The following SLC44A5 variants were observed in gnomAD, a reference collection of about 807,000 sequenced individuals.
The protein encoded by SLC44A5 is solute carrier family 44 member 5.
A neutral mutation model predicts 101.8 loss-of-function variants in SLC44A5; 57 were observed. The observed-to-expected ratio is 0.56, with a 90% CI of 0.45 to 0.70. SLC44A5 has a LOEUF of 0.70. SLC44A5 is among the 30% of genes least tolerant of loss of function. The pLI is 0.00. For synonymous variants in SLC44A5, 281 were observed against 290.9 expected (o/e 0.97, Z 0.35); for missense variants, 737 against 853.1 (o/e 0.86, Z 1.70).
At chr1:75,631,940 AC>A in the SLC44A5 span, among the ~76,000 whole-genome samples, 2 of 152,164 alleles carry the variant, frequency 1.3e-5, no homozygotes, top group South Asian at 4.1e-4. Context: ...GTGCTGGATT[AC>A]ATGGATGAGC....
At chr1:75,460,848 T>C (rs1041877582) in intron 2 of SLC44A5, among the ~76,000 whole-genome samples, 7 of 152,142 alleles carry the variant, frequency 4.6e-5, no homozygotes, top group African/African-American at 1.7e-4. Context: ...GGTAAGAAAA[T>C]CACTTACATC....
intron 3 of SLC44A5, among the ~76,000 whole-genome samples, chr1:75,349,130 A>G (rs1658455596): frequency 6.6e-6 from 1 of 152,094 alleles, no homozygotes; most frequent in Non-Finnish European, 1.5e-5. Context: ...CGTGTGGATC[A>G]CCAGAGGTCA....
intron 5 of SLC44A5, among the ~76,000 whole-genome samples, chr1:75,288,007 G>T (rs991438909): frequency 3.3e-5 from 5 of 152,114 alleles, no homozygotes; most frequent in African/African-American, 1.2e-4. Flanking sequence ...AAGTATTCAG[G>T]TTTCTCAGGA....
Position 75,227,854 on chromosome 1 carries a change from AT to A in SLC44A5, c.856del (p.Ile286TyrfsTer19). ...GGTGTACTGCTGGTAACAGTGCCATATTCCTTGAAAAAGAAAGAAAAACAGA... is the reference window on the plus strand; with the variant it reads ...GGTGTACTGCTGGTAACAGTGCCATATCCTTGAAAAAGAAAGAAAAACAGA... ...IGVIGIIGYG[I>X]WHCYQQYTNL... is the part of the protein sequence containing the mutation. On this transcript the variant is annotated frameshift_variant and splice_region_variant, in exon 13 of 24. Transcript: ENST00000370859. LOFTEE classifies it high-confidence loss of function. 1 of 1,582,242 alleles carries A rather than the reference AT, an allele frequency of 6.3e-7. No homozygotes were observed. The highest frequency in any genetic ancestry group is 8.5e-7 in the Non-Finnish European group (1 of 1,171,562).
intron 3 of SLC44A5, among the ~76,000 whole-genome samples, chr1:75,351,868 A>AAAAAAAAAAAAAG (rs1553165361): frequency 3.4e-5 from 2 of 58,470 alleles, no homozygotes; most frequent in African/African-American, 6.0e-5. Context: ...AAAAAAAAAA[A>AAAAAAAAAAAAAG]AGAGAGAGAG....
intron 2 of SLC44A5, among the ~76,000 whole-genome samples, chr1:75,455,260 G>T (rs563092363): frequency 7.6e-4 from 116 of 152,158 alleles, no homozygotes; most frequent in African/African-American, 2.6e-3. Flanking sequence ...AATAAACAAT[G>T]CGGAAAGGAC....
the SLC44A5 span, among the ~76,000 whole-genome samples, chr1:75,671,657 A>T: frequency 6.6e-6 from 1 of 152,226 alleles, no homozygotes; most frequent in African/African-American, 2.4e-5. Flanking sequence ...TTTAAAAATC[A>T]AACAATACTA....
At chr1:75,383,969 G>A (rs1462049016) in intron 3 of SLC44A5, among the ~76,000 whole-genome samples, 16 of 151,432 alleles carry the variant, frequency 1.1e-4, no homozygotes, top group South Asian at 4.2e-4. Context: ...CTTCATAAGC[G>A]AAGGAGAAAT....
At chr1:75,582,100 C>T (rs2102071808) in intron 1 of SLC44A5, 1 of 724,980 alleles carries the variant, frequency 1.4e-6, no homozygotes, top group Non-Finnish European at 2.5e-6. Context: ...GCAGACATGG[C>T]CAAGTCCAAG....
At chr1:75,721,205 T>C in the SLC44A5 span, among the ~76,000 whole-genome samples, 1 of 152,268 alleles carries the variant, frequency 6.6e-6, no homozygotes, top group African/African-American at 2.4e-5. Flanking sequence ...ATTTAAATTT[T>C]AGAGTGCCCT....
intron 12 of SLC44A5, 109 bp from the exon 13 acceptor site, chr1:75,227,966 T>C: frequency 4.7e-6 from 4 of 852,694 alleles, no homozygotes; most frequent in Non-Finnish European, 6.9e-6. Context: ...TGGTAATTTC[T>C]GCAAAGGCAA....
At chr1:75,490,445 A>G (rs762988850) in intron 2 of SLC44A5, among the ~76,000 whole-genome samples, 4 of 152,186 alleles carry the variant, frequency 2.6e-5, no homozygotes, top group Non-Finnish European at 5.9e-5. Flanking sequence ...ACACTGGGAC[A>G]ATAGCTTTTT....
chr1:75,683,735 A>C, the SLC44A5 span, among the ~76,000 whole-genome samples: 1 of 148,350 alleles, frequency 6.7e-6, no homozygotes, highest in Non-Finnish European at 1.5e-5. Flanking sequence ...GTGCACGTGT[A>C]CCCTAAAACT....
intron 2 of SLC44A5, among the ~76,000 whole-genome samples, chr1:75,479,879 G>T (rs900017997): frequency 2.6e-5 from 4 of 152,152 alleles, no homozygotes; most frequent in Admixed American, 6.5e-5. Flanking sequence ...GAAAAAGAGG[G>T]AATCCTCCCT....
intron 1 of SLC44A5, among the ~76,000 whole-genome samples, chr1:75,557,983 T>C (rs1216223067): frequency 6.6e-6 from 1 of 152,124 alleles, no homozygotes; most frequent in Non-Finnish European, 1.5e-5. Flanking sequence ...CCACAGCCAT[T>C]TATTGAGCAT....
chr1:75,668,866 G>A, the SLC44A5 span, among the ~76,000 whole-genome samples: 7 of 151,236 alleles, frequency 4.6e-5, no homozygotes, highest in South Asian at 2.1e-4. Flanking sequence ...GTGGTACAAC[G>A]CACCTGTAAT....
the SLC44A5 span, among the ~76,000 whole-genome samples, chr1:75,694,353 C>T: frequency 6.6e-6 from 1 of 151,750 alleles, no homozygotes; most frequent in South Asian, 2.1e-4. Flanking sequence ...TTCAATTTTT[C>T]TTTTCTTTAG....
At chr1:75,515,393 CTT>C (rs1343782573) in intron 2 of SLC44A5, among the ~76,000 whole-genome samples, 2 of 152,022 alleles carry the variant, frequency 1.3e-5, no homozygotes, top group African/African-American at 4.8e-5. Context: ...GCATATTTCT[CTT>C]GTCTGAAATT....
intron 2 of SLC44A5, among the ~76,000 whole-genome samples, chr1:75,464,910 G>A (rs1666729607): frequency 6.6e-6 from 1 of 151,786 alleles, no homozygotes; most frequent in African/African-American, 2.4e-5. Context: ...AAGAAAGAGA[G>A]AGGCCCCAGT....
Sources: allele counts gnomAD v4.1 joint callset (sites outside exome capture counted in the v4.1 genomes callset), GRCh38; gene constraint gnomAD v4.1.1; transcripts MANE v1.5; gene names NCBI Gene and HGNC (gene_info 2026-07-23, HGNC 2026-07-21).